The following SGPL1 variants were observed in gnomAD, a reference collection of about 807,000 sequenced individuals.
The protein encoded by SGPL1 is sphingosine-1-phosphate lyase 1, also known as SP-lyase 1.
Under a neutral mutation model 68.9 loss-of-function variants are expected in SGPL1, and 37 were observed. The observed-to-expected ratio is 0.54, with a 90% CI of 0.41 to 0.71. The LOEUF (loss-of-function observed/expected upper bound fraction) is 0.71, where lower values mean the gene tolerates loss of function less well. Ranked by LOEUF, SGPL1 falls within the 30% of genes least tolerant of loss-of-function variation. The probability of loss-of-function intolerance (pLI) is 0.00; values close to 1 mark genes in which losing one functional copy is unlikely to be tolerated. For missense variants in SGPL1, 551 were observed against 704.6 expected (o/e 0.78, Z 2.47); for synonymous variants, 236 against 248.5 (o/e 0.95, Z 0.47).
chr10:70,836,040 A>G (rs192772875), intron 2 of SGPL1, among the ~76,000 whole-genome samples: 427 of 152,182 alleles, frequency 2.8e-3, no homozygotes, highest in Non-Finnish European at 4.0e-3. Context: ...TGACCATACA[A>G]CCTTCACTCA....
At chr10:70,846,591 C>T (rs956151816) in intron 3 of SGPL1, among the ~76,000 whole-genome samples, 2 of 152,104 alleles carry the variant, frequency 1.3e-5, no homozygotes, top group Admixed American at 1.3e-4. Context: ...TAATAACTGC[C>T]CATTACTCTC....
chr10:70,851,084 T>C (rs1564624736), intron 3 of SGPL1, 59 bp from the exon 4 acceptor site: 3 of 1,347,728 alleles, frequency 2.2e-6, no homozygotes, highest in East Asian at 4.6e-5. Context: ...ATGGTTGCTA[T>C]ATGCCAGGTC....
At chr10:70,829,967 A>G (rs1423226452) in intron 2 of SGPL1, among the ~76,000 whole-genome samples, 4 of 152,232 alleles carry the variant, frequency 2.6e-5, no homozygotes, top group Non-Finnish European at 4.4e-5. Flanking sequence ...TCGTAAAAAT[A>G]TACCTTTAGG....
intron 2 of SGPL1, among the ~76,000 whole-genome samples, chr10:70,842,874 GC>G (rs1271374434): frequency 1.3e-5 from 2 of 152,218 alleles, no homozygotes; most frequent in African/African-American, 4.8e-5. Context: ...GGCACTGTCA[GC>G]CCCTGTCCAT....
chr10:70,847,107 T>C (rs1564623575), intron 3 of SGPL1, among the ~76,000 whole-genome samples: 2 of 152,154 alleles, frequency 1.3e-5, no homozygotes, highest in Admixed American at 6.6e-5. Context: ...ATCTAAATCC[T>C]TGTGGGCTGA....
rs114227535 is a variant in SGPL1, at chr10:70,868,602, A to G, written c.704+169A>G. Reference sequence around the variant, plus strand: ...TGCCCTTATCCTTTTACATTCAGTAAAATTCTAAATGGATCAGCCAGTTAT... The same window carrying G: ...TGCCCTTATCCTTTTACATTCAGTAGAATTCTAAATGGATCAGCCAGTTAT... On this transcript the variant is annotated intron_variant, in intron 8 of 14. Coordinates refer to ENST00000373202, the MANE Select transcript of SGPL1 (RefSeq NM_003901.4). Among the ~76,000 whole-genome samples, 1,343 of 152,190 alleles carry G rather than the reference A, an allele frequency of 8.8e-3. 30 individuals carry two copies. The highest frequency in any genetic ancestry group is 0.031 in the African/African-American group (1,275 of 41,498).
At chr10:70,827,333 A>G (rs969437979) in intron 2 of SGPL1, among the ~76,000 whole-genome samples, 6 of 152,158 alleles carry the variant, frequency 3.9e-5, no homozygotes, top group Non-Finnish European at 8.8e-5. Flanking sequence ...CTGCCTCTTC[A>G]AGTCATATGC....
Position 70,873,338 on chromosome 10 carries a change from ACTT to A in SGPL1, c.1060-8_1060-6del. The stretch of plus-strand genomic sequence containing the variant: ...TATACTCTCACTTTTCTTGTCTGCT[ACTT>A]CTTCCACAGTATGGCTATGCCCCAA... On this transcript the variant is annotated splice_polypyrimidine_tract_variant and intron_variant, in intron 11 of 14. Coordinates refer to ENST00000373202, the MANE Select transcript of SGPL1 (RefSeq NM_003901.4). 1 of 1,594,770 alleles carries A rather than the reference ACTT, an allele frequency of 6.3e-7. No individual in the cohort carries two copies. The highest frequency in any genetic ancestry group is 8.6e-7 in the Non-Finnish European group (1 of 1,162,314).
In SGPL1 at chr10:70,859,143, C is replaced by T. The variant is rs10823629; in HGVS notation, c.487-228C>T. Among the ~76,000 whole-genome samples the T allele has an allele frequency of 0.096, 14,679 of 152,178 alleles. 1,015 individuals are homozygous for T. Among genetic ancestry groups the T allele is most frequent in the East Asian group, 0.27 (1,377 of 5,166 alleles). On this transcript the variant is annotated intron_variant, in intron 6 of 14. Coordinates refer to ENST00000373202, the MANE Select transcript of SGPL1 (RefSeq NM_003901.4). ...TGGGTCGGTTTGGTGTTATAGTCTG[C>T]GCTTTTAACCATATTTATACTTCTT...
chr10:70,844,397 G>A, intron 2 of SGPL1, 76 bp from the exon 3 acceptor site: 6 of 1,346,244 alleles, frequency 4.5e-6, no homozygotes, highest in Middle Eastern at 2.0e-4. Flanking sequence ...AAAAATGAGA[G>A]TTGAAGTACA....
intron 4 of SGPL1, among the ~76,000 whole-genome samples, chr10:70,852,846 C>G (rs1845909645): frequency 6.6e-6 from 1 of 152,162 alleles, no homozygotes; most frequent in Non-Finnish European, 1.5e-5. Context: ...TGAACAAGAC[C>G]AAATCCTTCC....
intron 2 of SGPL1, among the ~76,000 whole-genome samples, chr10:70,827,440 T>TTA (rs1845456929): frequency 6.6e-6 from 1 of 152,228 alleles, no homozygotes; most frequent in Non-Finnish European, 1.5e-5. Flanking sequence ...TTTAAAATTG[T>TTA]TACATCTTGT....
At chr10:70,827,844 T>G (rs1845462884) in intron 2 of SGPL1, among the ~76,000 whole-genome samples, 1 of 152,214 alleles carries the variant, frequency 6.6e-6, no homozygotes, top group Non-Finnish European at 1.5e-5. Context: ...CCAAAGGTTT[T>G]GCTTAGTTTT....
chr10:70,816,311 C>T (rs1349644661), intron 1 of SGPL1, among the ~76,000 whole-genome samples, 185 bp downstream of exon 1: 2 of 121,576 alleles, frequency 1.6e-5, no homozygotes, highest in Non-Finnish European at 3.3e-5. Flanking sequence ...AGCAAGTGGA[C>T]GGCGGGCGGG....
At chr10:70,821,906 A>G (rs888674485) in intron 2 of SGPL1, among the ~76,000 whole-genome samples, 1 of 152,184 alleles carries the variant, frequency 6.6e-6, no homozygotes. Flanking sequence ...GATCTTTTAT[A>G]GCAATGCAGA....
chr10:70,847,224 T>C (rs1028818977), intron 3 of SGPL1, among the ~76,000 whole-genome samples: 13 of 152,328 alleles, frequency 8.5e-5, no homozygotes, highest in African/African-American at 3.1e-4. Context: ...CTTGGCTCAC[T>C]GCAACCTCTG....
chr10:70,835,375 AGTTTGGCCCTGAGT>A (rs1302346981), intron 2 of SGPL1, among the ~76,000 whole-genome samples: 1 of 152,210 alleles, frequency 6.6e-6, no homozygotes, highest in Non-Finnish European at 1.5e-5. Flanking sequence ...AGGCTAATGC[AGTTTGGCCCTGAGT>A]GACTCTTGAG....
intron 2 of SGPL1, among the ~76,000 whole-genome samples, chr10:70,841,797 A>G (rs1056542536): frequency 2.8e-4 from 43 of 152,302 alleles, no homozygotes; most frequent in African/African-American, 9.4e-4. Flanking sequence ...TGGATATCCA[A>G]TAGGAATATA....
At position 70,816,806 on chromosome 10, in the gene SGPL1, T is replaced by C. The variant is rs774063361; in HGVS notation, c.-43-5T>C. The C allele has an allele frequency of 6.2e-7, 1 of 1,603,352 alleles. No individual in the cohort carries two copies. The highest frequency in any genetic ancestry group is 1.7e-5 in the Admixed American group (1 of 59,998). ...GAAGTAAACAAACCTGGTTCCCTTT[T>C]ACAGAGTCTGAAAAAGGGGAGCGCG... On this transcript the variant is annotated splice_region_variant and splice_polypyrimidine_tract_variant and intron_variant, in intron 1 of 14. Coordinates refer to ENST00000373202, the MANE Select transcript of SGPL1 (RefSeq NM_003901.4).
Sources: allele counts gnomAD v4.1 joint callset (sites outside exome capture counted in the v4.1 genomes callset), GRCh38; gene constraint gnomAD v4.1.1; transcripts MANE v1.5; gene names NCBI Gene and HGNC (gene_info 2026-07-23, HGNC 2026-07-21).